The following GALNT7 variants were observed in gnomAD, a reference collection of about 807,000 sequenced individuals.
GALNT7 encodes polypeptide N-acetylgalactosaminyltransferase 7.
Under a neutral mutation model 82.1 loss-of-function variants are expected in GALNT7, and 60 were observed. The observed-to-expected ratio is 0.73, with a 90% CI of 0.59 to 0.91. The LOEUF (loss-of-function observed/expected upper bound fraction) is 0.91, where lower values mean the gene tolerates loss of function less well. Among genes scored for constraint, GALNT7 ranks in the 40% least tolerant of loss-of-function variants. The pLI, the probability that GALNT7 is intolerant of heterozygous loss-of-function variation, is 0.00. For missense variants in GALNT7, 660 were observed against 804.2 expected (o/e 0.82, Z 2.17); for synonymous variants, 243 against 275.1 (o/e 0.88, Z 1.15).
intron 8 of GALNT7, among the ~76,000 whole-genome samples, chr4:173,306,925 G>A (rs925867596): frequency 5.3e-5 from 8 of 152,186 alleles, no homozygotes; most frequent in African/African-American, 1.9e-4. Flanking sequence ...GGACTTTACA[G>A]GCTGGTTTCA....
Position 173,322,577 on chromosome 4 carries a change from T to C in GALNT7, c.*860T>C, listed in dbSNP as rs1427556993. 6.6e-6 allele frequency: 1 copy of C among 152,180 alleles called. No individual in the cohort carries two copies. Among genetic ancestry groups the C allele is most frequent in the Non-Finnish European group, 1.5e-5 (1 of 68,016 alleles). 9.4% of individuals were successfully genotyped at this position (152,180 alleles called of 1,614,324 possible). A position where few individuals can be genotyped will look rare whatever the true frequency, so the allele number is the denominator to read the frequency against. ...TAGAGAAAAATTGTCCACTGACATT[T>C]GGGATTTACTTTTCTCCAATACCTG... On this transcript the variant is annotated 3_prime_UTR_variant, in exon 12 of 12. Coordinates refer to ENST00000265000, the MANE Select transcript of GALNT7 (RefSeq NM_017423.3).
At chr4:173,303,784 G>T (rs907452416) in intron 7 of GALNT7, among the ~76,000 whole-genome samples, 6 of 152,210 alleles carry the variant, frequency 3.9e-5, no homozygotes, top group African/African-American at 1.4e-4. Context: ...CCCCTTAGTA[G>T]CAGTTTATTA....
Position 173,169,059 on chromosome 4 carries a change from G to A in GALNT7, c.126+98G>A, listed in dbSNP as rs1463907610. On this transcript the variant is annotated intron_variant, in intron 1 of 11. Transcript: ENST00000265000. ...GCAGGGGCGGCGGGGTCGCGGCACG[G>A]CGTGGGCACCGCAGCTCCGCAGGTG... is the stretch of plus-strand genomic sequence containing the variant. 17 of 1,247,672 alleles carry A rather than the reference G, an allele frequency of 1.4e-5. No homozygotes were observed. In the East Asian group the frequency reaches 4.0e-4, roughly 29 times the overall value. 77.3% of individuals were successfully genotyped at this position (1,247,672 alleles called of 1,614,324 possible). A position where few individuals can be genotyped will look rare whatever the true frequency, so the allele number is the denominator to read the frequency against.
At chr4:173,199,774 A>T (rs1025246466) in intron 1 of GALNT7, among the ~76,000 whole-genome samples, 1 of 152,174 alleles carries the variant, frequency 6.6e-6, no homozygotes, top group Non-Finnish European at 1.5e-5. Context: ...GTGGGTGGTG[A>T]TAGTTGGTAA....
At chr4:173,258,815 G>A (rs112354678) in intron 2 of GALNT7, among the ~76,000 whole-genome samples, 3 of 152,206 alleles carry the variant, frequency 2.0e-5, no homozygotes, top group Non-Finnish European at 4.4e-5. Flanking sequence ...TTGTGTTCCA[G>A]TTTGCTACAG....
At chr4:173,289,585 G>A (rs560704705) in intron 2 of GALNT7, among the ~76,000 whole-genome samples, 13 of 152,258 alleles carry the variant, frequency 8.5e-5, no homozygotes, top group African/African-American at 3.1e-4. Flanking sequence ...TGCAGCTGTG[G>A]GTATGCCTCT....
At chr4:173,232,166 A>G (rs113356264) in intron 1 of GALNT7, among the ~76,000 whole-genome samples, 49 of 152,162 alleles carry the variant, frequency 3.2e-4, no homozygotes, top group African/African-American at 9.4e-4. Context: ...TCCTGAAGGG[A>G]CGTGACTGAC....
chr4:173,265,208 C>G (rs1735435774), intron 2 of GALNT7, among the ~76,000 whole-genome samples: 1 of 152,172 alleles, frequency 6.6e-6, no homozygotes, highest in Admixed American at 6.5e-5. Flanking sequence ...CAAGCTCAAC[C>G]ATGCTAGCAT....
intron 1 of GALNT7, among the ~76,000 whole-genome samples, chr4:173,195,704 A>G (rs1287367720): frequency 1.3e-5 from 2 of 152,180 alleles, no homozygotes; most frequent in African/African-American, 4.8e-5. Context: ...GTTCCATTCC[A>G]TGCTTACAGT....
At chr4:173,210,758 T>C (rs141864249) in intron 1 of GALNT7, among the ~76,000 whole-genome samples, 2,061 of 152,282 alleles carry the variant, frequency 0.014, 30 homozygotes, top group African/African-American at 0.025. Flanking sequence ...GTTTGCTGAT[T>C]TTTGTCCCAT....
intron 2 of GALNT7, among the ~76,000 whole-genome samples, chr4:173,251,197 AG>A (rs1271041545): frequency 6.6e-6 from 1 of 152,234 alleles, no homozygotes; most frequent in Non-Finnish European, 1.5e-5. Flanking sequence ...GAAATCAGCC[AG>A]GGTTCAAACC....
At chr4:173,237,773 A>G (rs1222126672) in intron 1 of GALNT7, among the ~76,000 whole-genome samples, 1 of 151,928 alleles carries the variant, frequency 6.6e-6, no homozygotes, top group South Asian at 2.1e-4. Context: ...AAAAAAAAAA[A>G]AGTGTTAACA....
chr4:173,216,792 G>A (rs560075120), intron 1 of GALNT7, among the ~76,000 whole-genome samples: 3 of 134,112 alleles, frequency 2.2e-5, no homozygotes, highest in South Asian at 2.4e-4. Context: ...GTGCAATGGC[G>A]CAATCTCGGC....
chr4:173,198,226 A>ATTT (rs35936188), intron 1 of GALNT7, among the ~76,000 whole-genome samples: 96,081 of 138,736 alleles, frequency 0.69, 34,907 homozygotes, highest in East Asian at 0.83. Flanking sequence ...TGCCTGGCTA[A>ATTT]TTTTTTTTTT....
At chr4:173,176,310 A>G (rs947847431) in intron 1 of GALNT7, among the ~76,000 whole-genome samples, 1 of 152,168 alleles carries the variant, frequency 6.6e-6, no homozygotes, top group African/African-American at 2.4e-5. Context: ...TGGAGGTAGT[A>G]CAGTACGGGA....
At chr4:173,206,228 T>A (rs919516010) in intron 1 of GALNT7, among the ~76,000 whole-genome samples, 3 of 152,200 alleles carry the variant, frequency 2.0e-5, no homozygotes, top group Non-Finnish European at 2.9e-5. Context: ...CCTTCCCCCA[T>A]ACTGAGGATA....
chr4:173,217,077 A>G (rs1387528068), intron 1 of GALNT7, among the ~76,000 whole-genome samples: 2 of 151,930 alleles, frequency 1.3e-5, no homozygotes, highest in Non-Finnish European at 2.9e-5. Flanking sequence ...TCTGCGGAAA[A>G]TCTGGTTCTT....
At position 173,322,984 on chromosome 4, in the gene GALNT7, T is replaced by G. The variant is rs114139762; in HGVS notation, c.*1267T>G. The G allele has an allele frequency of 1.8e-3, 278 of 152,282 alleles. 5 individuals carry two copies. The highest frequency in any genetic ancestry group is 6.5e-3 in the African/African-American group (271 of 41,558). 9.4% of individuals were successfully genotyped at this position (152,282 alleles called of 1,614,324 possible). On this transcript the variant is annotated 3_prime_UTR_variant, in exon 12 of 12. Transcript: ENST00000265000. The stretch of plus-strand genomic sequence containing the variant: ...TGTATTTTTATTAGTATTTTTCCGG[T>G]GAACAGAAGATTTGTTTGGATTTAA...
intron 2 of GALNT7, among the ~76,000 whole-genome samples, chr4:173,289,709 GAGGAA>G (rs991979029): frequency 6.6e-6 from 1 of 152,198 alleles, no homozygotes; most frequent in Non-Finnish European, 1.5e-5. Context: ...CTGAAAAGGG[GAGGAA>G]ACTTTTTCCT....
Sources: gnomAD v4.1 joint callset for allele counts (sites outside exome capture counted in the v4.1 genomes callset) on GRCh38, gnomAD v4.1.1 for gene constraint, MANE v1.5 for transcripts, NCBI Gene and HGNC (gene_info 2026-07-23, HGNC 2026-07-21) for gene names.